The following ZNF804B variants were observed in gnomAD, a reference collection of about 807,000 sequenced individuals.
ZNF804B encodes the protein zinc finger 804B.
A neutral mutation model predicts 101.4 loss-of-function variants in ZNF804B; 80 were observed. That is an observed-to-expected ratio of 0.79 (90% CI 0.66 to 0.95). ZNF804B has a LOEUF of 0.95. ZNF804B is among the 40% of genes least tolerant of loss of function. ZNF804B has a pLI of 0.00. For missense variants in ZNF804B, 1,673 were observed against 1,561.9 expected (o/e 1.07, Z -1.20); for synonymous variants, 622 against 558.8 (o/e 1.11, Z -1.59).
chr7:88,973,232 T>A (rs1318931447), intron 1 of ZNF804B, among the ~76,000 whole-genome samples: 4 of 151,234 alleles, frequency 2.6e-5, no homozygotes, highest in African/African-American at 9.7e-5. Context: ...ATTATGTACC[T>A]TAAGTGATAT....
At chr7:89,114,689 A>G (rs1285793102) in intron 1 of ZNF804B, among the ~76,000 whole-genome samples, 1 of 152,188 alleles carries the variant, frequency 6.6e-6, no homozygotes, top group Non-Finnish European at 1.5e-5. Context: ...AGAATAGAGG[A>G]AAAAGAAACA....
intron 2 of ZNF804B, among the ~76,000 whole-genome samples, chr7:89,264,306 G>C (rs1407405043): frequency 6.6e-6 from 1 of 152,126 alleles, no homozygotes; most frequent in Non-Finnish European, 1.5e-5. Context: ...TCTGGATTCT[G>C]TCTTCATTTT....
At chr7:89,098,311 G>C (rs1212329495) in intron 1 of ZNF804B, among the ~76,000 whole-genome samples, 1 of 145,518 alleles carries the variant, frequency 6.9e-6, no homozygotes, top group Non-Finnish European at 1.5e-5. Flanking sequence ...TTGCTCTTTT[G>C]CCCAGGCTGG....
At chr7:88,946,554 C>CTTTTTTTTTTTTTT (rs202172425) in intron 1 of ZNF804B, among the ~76,000 whole-genome samples, 5 of 128,120 alleles carry the variant, frequency 3.9e-5, no homozygotes, top group Non-Finnish European at 6.7e-5. Context: ...CTGAAATTTT[C>CTTTTTTTTTTTTTT]TTTTTTTTTT....
chr7:88,924,569 C>T (rs1429081258), intron 1 of ZNF804B, among the ~76,000 whole-genome samples: 1 of 152,138 alleles, frequency 6.6e-6, no homozygotes, highest in African/African-American at 2.4e-5. Context: ...CTTCCAGCTA[C>T]TCTGATTTCC....
chr7:89,281,760 C>G (rs970263026), intron 2 of ZNF804B, among the ~76,000 whole-genome samples: 2 of 152,058 alleles, frequency 1.3e-5, no homozygotes, highest in Admixed American at 1.3e-4. Context: ...AGACTATAAA[C>G]AGGTAAGAAA....
intron 1 of ZNF804B, among the ~76,000 whole-genome samples, chr7:88,992,075 C>A (rs551902433): frequency 1.3e-5 from 2 of 152,054 alleles, no homozygotes; most frequent in Non-Finnish European, 2.9e-5. Context: ...AGTCTGGTTG[C>A]AGATTAAACC....
At chr7:88,847,354 A>G (rs573061946) in intron 1 of ZNF804B, among the ~76,000 whole-genome samples, 3 of 152,188 alleles carry the variant, frequency 2.0e-5, no homozygotes, top group South Asian at 2.1e-4. Context: ...AGAAATCAAA[A>G]TATTTCTTCC....
chr7:89,244,384 T>C (rs1789412985), intron 2 of ZNF804B, among the ~76,000 whole-genome samples: 1 of 152,114 alleles, frequency 6.6e-6, no homozygotes, highest in Admixed American at 6.6e-5. Flanking sequence ...ACTTTAATAT[T>C]ACGAGTTTTA....
intron 1 of ZNF804B, among the ~76,000 whole-genome samples, chr7:89,018,944 G>T (rs1235519935): frequency 3.3e-5 from 5 of 151,714 alleles, no homozygotes; most frequent in African/African-American, 9.7e-5. Flanking sequence ...CTAACTTTTT[G>T]TTTCATTGAT....
chr7:89,192,284 TACCCCTGTACC>T (rs1388790254), intron 1 of ZNF804B, among the ~76,000 whole-genome samples: 1 of 152,004 alleles, frequency 6.6e-6, no homozygotes, highest in African/African-American at 2.4e-5. Flanking sequence ...TCACCCCCTT[TACCCCTGTACC>T]GCTTCTTTCC....
At chr7:89,290,118 G>T (rs186341787) in intron 2 of ZNF804B, among the ~76,000 whole-genome samples, 4 of 150,824 alleles carry the variant, frequency 2.7e-5, no homozygotes, top group Admixed American at 2.0e-4. Context: ...TAGGCCAGAA[G>T]GAAATCTGCT....
At chr7:88,780,903 C>G (rs761869659) in intron 1 of ZNF804B, among the ~76,000 whole-genome samples, 1 of 152,092 alleles carries the variant, frequency 6.6e-6, no homozygotes, top group Admixed American at 6.6e-5. Context: ...TCATTATGCA[C>G]TTTTACTTAT....
chr7:89,089,055 T>C (rs1348916727), intron 1 of ZNF804B, among the ~76,000 whole-genome samples: 2 of 150,822 alleles, frequency 1.3e-5, no homozygotes, highest in African/African-American at 4.9e-5. Context: ...TCCTTTTTTT[T>C]TCTTTTTTTT....
chr7:88,972,812 G>A (rs1793557100), intron 1 of ZNF804B, among the ~76,000 whole-genome samples: 1 of 151,080 alleles, frequency 6.6e-6, no homozygotes, highest in Admixed American at 6.6e-5. Flanking sequence ...CTGCCTTTAA[G>A]TCAAAAATAG....
In ZNF804B at chr7:88,854,537, T is replaced by TC. The variant is rs1554340264; in HGVS notation, c.108+94455dup. Reference sequence around the variant, plus strand: ...CTTTCCTTTCCTTCCTTTCCTTCCTTCCTTCCTTCCTTCCTTCCTTCCTTC... The same window carrying TC: ...CTTTCCTTTCCTTCCTTTCCTTCCTTCCCTTCCTTCCTTCCTTCCTTCCTTC... On this transcript the variant is annotated intron_variant, in intron 1 of 3. Coordinates refer to ENST00000333190, the MANE Select transcript of ZNF804B (RefSeq NM_181646.5). Among the ~76,000 whole-genome samples the TC allele has an allele frequency of 3.0e-3, 281 of 95,162 alleles. 5 individuals are homozygous for TC. The highest frequency in any genetic ancestry group is 0.014 in the East Asian group (29 of 2,132). 62.4% of individuals were successfully genotyped at this position (95,162 alleles called of 152,430 possible).
intron 2 of ZNF804B, among the ~76,000 whole-genome samples, chr7:89,267,085 C>G (rs1789807897): frequency 6.6e-6 from 1 of 152,134 alleles, no homozygotes; most frequent in African/African-American, 2.4e-5. Flanking sequence ...TTTTATCATT[C>G]TGCAGACCTT....
chr7:89,004,817 A>G (rs999622615), intron 1 of ZNF804B, among the ~76,000 whole-genome samples: 10 of 151,974 alleles, frequency 6.6e-5, no homozygotes, highest in Non-Finnish European at 1.0e-4. Context: ...AAAAATGTGT[A>G]TCAGTGGGGC....
chr7:89,066,432 G>C (rs1789456151), intron 1 of ZNF804B, among the ~76,000 whole-genome samples: 1 of 152,050 alleles, frequency 6.6e-6, no homozygotes, highest in Non-Finnish European at 1.5e-5. Flanking sequence ...GGGAATCAGT[G>C]TTCAAAATAC....
Sources: allele counts gnomAD v4.1 joint callset (sites outside exome capture counted in the v4.1 genomes callset), GRCh38; gene constraint gnomAD v4.1.1; transcripts MANE v1.5; gene names NCBI Gene and HGNC (gene_info 2026-07-23, HGNC 2026-07-21).